Variants in FSD2 observed in about 807,000 individuals in gnomAD.
FSD2 encodes fibronectin type III and SPRY domain-containing protein 2.
Under a neutral mutation model 80.4 loss-of-function variants are expected in FSD2, and 71 were observed. That is an observed-to-expected ratio of 0.88 (90% CI 0.73 to 1.08). The LOEUF is 1.08. Ranked by LOEUF, FSD2 falls within the 50% of genes least tolerant of loss-of-function variation. The probability of loss-of-function intolerance (pLI) is 0.00; values close to 1 mark genes in which losing one functional copy is unlikely to be tolerated. For synonymous variants in FSD2, 361 were observed against 329.5 expected, an observed-to-expected ratio of 1.10 and a Z score of -1.03; for missense variants, 923 against 913.8, an observed-to-expected ratio of 1.01 and a Z score of -0.13.
At chr15:82,763,376 A>G (rs2049334864) in intron 11 of FSD2, among the ~76,000 whole-genome samples, 1 of 152,216 alleles carries the variant, frequency 6.6e-6, no homozygotes, top group South Asian at 2.1e-4. Context: ...CCTTAATAGC[A>G]TTATACTCTT....
chr15:82,798,878 G>GTT (rs755092933), intron 1 of FSD2, among the ~76,000 whole-genome samples: 4 of 135,816 alleles, frequency 2.9e-5, no homozygotes, highest in South Asian at 2.3e-4. Flanking sequence ...CCACTGTTTT[G>GTT]TTTTTTTTTT....
Position 82,765,973 on chromosome 15 carries a change from A to G in FSD2, c.1612T>C (p.Tyr538His), listed in dbSNP as rs1427711462. 2 of 1,602,896 alleles carry G rather than the reference A, an allele frequency of 1.2e-6. No homozygotes were observed. Among genetic ancestry groups the G allele is most frequent in the Non-Finnish European group, 1.7e-6 (2 of 1,175,698 alleles). The change falls in exon 10 of 13, where the codon TAC becomes CAC. Residue 538 changes from tyrosine to histidine, a missense_variant. By Grantham distance (83) the Tyr-to-His change is moderately conservative. Transcript: ENST00000334574. ...TTGAGGGCTCGCACATAGATAATGTAGCTCCGCCCCGGCTGCAGCTGCACC... is the reference window on the plus strand; with the variant it reads ...TTGAGGGCTCGCACATAGATAATGTGGCTCCGCCCCGGCTGCAGCTGCACC... Reference protein sequence around the residue: ...SVVQLQPGRSYIIYVRALNMG... With the variant: ...SVVQLQPGRSHIIYVRALNMG...
chr15:82,803,115 A>T (rs1377507110), intron 1 of FSD2, among the ~76,000 whole-genome samples: 1 of 152,058 alleles, frequency 6.6e-6, no homozygotes, highest in Non-Finnish European at 1.5e-5. Context: ...CTTCTCAGAG[A>T]CGCTGCTTTC....
chr15:82,787,159 A>G lies in FSD2; in HGVS notation c.232T>C (p.Tyr78His), dbSNP rs932326841. Residue 78 changes from tyrosine to histidine, a missense_variant, in exon 2 of 13, where the codon TAT becomes CAT. By Grantham distance (83) the Tyr-to-His change is moderately conservative. Coordinates refer to ENST00000334574, the MANE Select transcript of FSD2 (RefSeq NM_001007122.4). ...QEEVDELVHLYGLEDDHELGD... is the reference protein window; with the variant it reads ...QEEVDELVHLHGLEDDHELGD... ...AATTCATGATCATCTTCAAGTCCAT[A>G]TAAGTGGACAAGTTCATCCACTTCC... 3.7e-6 allele frequency: 6 copies of G among 1,613,886 alleles called. No homozygotes were observed. The highest frequency in any genetic ancestry group is 5.1e-6 in the Non-Finnish European group (6 of 1,179,886).
At chr15:82,801,105 GT>G (rs2050402483) in intron 1 of FSD2, among the ~76,000 whole-genome samples, 2 of 152,232 alleles carry the variant, frequency 1.3e-5, no homozygotes, top group Admixed American at 1.3e-4. Context: ...CAGCTTCCTT[GT>G]GCACAAGCTA....
Position 82,769,896 on chromosome 15 carries a change from A to G in FSD2, c.1268-12T>C. The G allele has an allele frequency of 6.2e-7, 1 of 1,613,176 alleles. No homozygotes were observed. Among genetic ancestry groups the G allele is most frequent in the Non-Finnish European group, 8.5e-7 (1 of 1,179,310 alleles). ...AGTCACTGTAAACTCTGGGGAAAAAAAAAGATAAGAATTCAACCCTAAAAA... is the reference window on the plus strand; with the variant it reads ...AGTCACTGTAAACTCTGGGGAAAAAGAAAGATAAGAATTCAACCCTAAAAA... On this transcript the variant is annotated splice_polypyrimidine_tract_variant and intron_variant, in intron 7 of 12. Transcript: ENST00000334574.
chr15:82,769,416 A>G (rs1267410773), intron 8 of FSD2, among the ~76,000 whole-genome samples: 1 of 54,862 alleles, frequency 1.8e-5, no homozygotes, highest in African/African-American at 5.3e-5. Context: ...CTAAAAATAC[A>G]AAAAAAAAAA....
chr15:82,763,297 G>C (rs912722617), intron 11 of FSD2, among the ~76,000 whole-genome samples: 4 of 152,126 alleles, frequency 2.6e-5, no homozygotes, highest in African/African-American at 9.7e-5. Context: ...GTAACCCCCT[G>C]GTGGAAAACT....
In FSD2 at chr15:82,778,857, G is replaced by A. The variant is rs550023697; in HGVS notation, c.1020C>T (p.Asp340=). 37 of 1,613,836 alleles carry A rather than the reference G, an allele frequency of 2.3e-5. No individual in the cohort carries two copies. The highest frequency in any genetic ancestry group is 4.4e-5 in the South Asian group (4 of 91,064). Residue 340 remains aspartate, a synonymous_variant, in exon 6 of 13, where the codon GAC becomes GAT. Coordinates refer to ENST00000334574, the MANE Select transcript of FSD2 (RefSeq NM_001007122.4). ...ACTCAGGCTGTGCAGAGATTTCCAC[G>A]TCTGTTTTTGTTTTCAGGAATTTCC... ...RLGKFLKTKT[D]VEISAQPEFE...
chr15:82,773,512 A>G (rs373846194), intron 6 of FSD2, among the ~76,000 whole-genome samples: 6 of 152,210 alleles, frequency 3.9e-5, no homozygotes, highest in African/African-American at 1.2e-4. Flanking sequence ...GATTTATGTG[A>G]GATCTGGACA....
At chr15:82,786,385 AGGG>A (rs2049997364) in intron 3 of FSD2, 123 bp downstream of exon 3, 1 of 703,402 alleles carries the variant, frequency 1.4e-6, no homozygotes, top group African/African-American at 1.8e-5. Flanking sequence ...GGAGGAGAGA[AGGG>A]GGAGTGGTGA....
chr15:82,781,886 C>T (rs1253094125), intron 4 of FSD2, among the ~76,000 whole-genome samples: 3 of 150,118 alleles, frequency 2.0e-5, no homozygotes, highest in East Asian at 2.0e-4. Context: ...GGTGAAACCC[C>T]GTCTCTACTA....
At chr15:82,767,670 G>C (rs1048173418) in intron 9 of FSD2, among the ~76,000 whole-genome samples, 2 of 152,120 alleles carry the variant, frequency 1.3e-5, no homozygotes, top group Non-Finnish European at 1.5e-5. Flanking sequence ...AAGGAAACCT[G>C]AACCATTAGG....
intron 6 of FSD2, among the ~76,000 whole-genome samples, chr15:82,773,959 T>C (rs1010932159): frequency 2.0e-5 from 3 of 152,212 alleles, no homozygotes; most frequent in African/African-American, 7.2e-5. Context: ...TAAAATGCTG[T>C]ACACAACATT....
rs377699611 is a variant in FSD2 at position 82,786,707 on chromosome 15, C to G, written c.639+45G>C. On this transcript the variant is annotated intron_variant, in intron 2 of 12. Coordinates refer to ENST00000334574, the MANE Select transcript of FSD2 (RefSeq NM_001007122.4). Reference sequence around the variant, plus strand: ...ATTCCCTGCGTATGTACTTGAGATACCAAAGCAATATCAAGACAGAGAAGA... The same window carrying G: ...ATTCCCTGCGTATGTACTTGAGATAGCAAAGCAATATCAAGACAGAGAAGA... 9.3e-5 allele frequency: 149 copies of G among 1,608,594 alleles called. 1 individual carries two copies. Among genetic ancestry groups the G allele is most frequent in the Middle Eastern group, 3.3e-4 (2 of 6,054 alleles).
At chr15:82,764,112 C>T (rs1175204928) in intron 11 of FSD2, among the ~76,000 whole-genome samples, 2 of 152,214 alleles carry the variant, frequency 1.3e-5, no homozygotes, top group Non-Finnish European at 2.9e-5. Flanking sequence ...TGTTCTCCCA[C>T]TAGCCCACAG....
intron 1 of FSD2, among the ~76,000 whole-genome samples, chr15:82,794,798 T>G (rs1177136321): frequency 1.3e-5 from 2 of 151,604 alleles, no homozygotes; most frequent in Admixed American, 6.6e-5. Context: ...GATCTCGGCT[T>G]ACTGCAAGCT....
Position 82,778,158 on chromosome 15 carries a change from A to ATATATATATATATATATAT in FSD2, c.1111+607_1111+608insATATATATATATATATATA, listed in dbSNP as rs1482215584. ...TATATATATATATATATATATATAT[A>ATATATATATATATATATAT]ATAACTATTACATGATCTAGTAATT... On this transcript the variant is annotated intron_variant, in intron 6 of 12. Coordinates refer to ENST00000334574, the MANE Select transcript of FSD2 (RefSeq NM_001007122.4). 9.0e-4 allele frequency among the ~76,000 whole-genome samples: 116 copies of ATATATATATATATATATAT among 128,942 alleles called. 2 individuals are homozygous for ATATATATATATATATATAT. Among genetic ancestry groups the ATATATATATATATATATAT allele is most frequent in the African/African-American group, 2.3e-3 (69 of 30,288 alleles). 84.6% of individuals were successfully genotyped at this position (128,942 alleles called of 152,430 possible). A position where few individuals can be genotyped will look rare whatever the true frequency, so the allele number is the denominator to read the frequency against.
At chr15:82,768,058 T>C (rs978402773) in intron 9 of FSD2, among the ~76,000 whole-genome samples, 1 of 152,204 alleles carries the variant, frequency 6.6e-6, no homozygotes, top group African/African-American at 2.4e-5. Context: ...CGAGCCCTTG[T>C]GGTCACTGAG....
Sources: allele counts gnomAD v4.1 joint callset (sites outside exome capture counted in the v4.1 genomes callset), GRCh38; gene constraint gnomAD v4.1.1; transcripts MANE v1.5; gene names NCBI Gene and HGNC (gene_info 2026-07-23, HGNC 2026-07-21).